FUT9: variants seen among roughly 807,000 people sequenced by gnomAD.
The protein encoded by FUT9 is fucosyltransferase 9.
In FUT9, 15 loss-of-function variants were observed where a neutral mutation model predicts 29.7. The ratio of observed to expected loss-of-function variants is 0.51; its 90% CI spans 0.34 to 0.78. FUT9 has a LOEUF of 0.78. Ranked by LOEUF, FUT9 falls within the 30% of genes least tolerant of loss-of-function variation. The probability of loss-of-function intolerance (pLI) is 0.01; values close to 1 mark genes in which losing one functional copy is unlikely to be tolerated. For synonymous variants in FUT9, 169 were observed against 153.7 expected (o/e 1.10, Z -0.74); for missense variants, 319 against 425.4 (o/e 0.75, Z 2.20).
At chr6:96,096,111 T>G (rs984605657) in intron 1 of FUT9, among the ~76,000 whole-genome samples, 3 of 152,084 alleles carry the variant, frequency 2.0e-5, no homozygotes, top group African/African-American at 7.2e-5. Flanking sequence ...TATCTCAAAT[T>G]TATTATATAT....
intron 2 of FUT9, among the ~76,000 whole-genome samples, chr6:96,137,699 A>G (rs1245227739): frequency 6.6e-6 from 1 of 152,020 alleles, no homozygotes; most frequent in Admixed American, 6.6e-5. Flanking sequence ...AAAAAGAAAA[A>G]CTAAGAAAAT....
At chr6:96,111,713 C>T (rs1267404568) in intron 1 of FUT9, among the ~76,000 whole-genome samples, 1 of 152,050 alleles carries the variant, frequency 6.6e-6, no homozygotes, top group Non-Finnish European at 1.5e-5. Flanking sequence ...TTTGAAAGCA[C>T]CGAATCAGAT....
chr6:96,054,067 G>A (rs1770720839), intron 1 of FUT9, among the ~76,000 whole-genome samples: 1 of 152,158 alleles, frequency 6.6e-6, no homozygotes, highest in Non-Finnish European at 1.5e-5. Context: ...TGGTGAGTGA[G>A]ATGACAAGAA....
chr6:96,139,117 T>C (rs75220038), intron 2 of FUT9, among the ~76,000 whole-genome samples: 2,686 of 152,180 alleles, frequency 0.018, 109 homozygotes, highest in African/African-American at 0.059. Context: ...AGAAAGCAAG[T>C]TAGTTACTTC....
chr6:96,067,256 A>G (rs766097084), intron 1 of FUT9, among the ~76,000 whole-genome samples: 2 of 151,674 alleles, frequency 1.3e-5, no homozygotes, highest in Non-Finnish European at 2.9e-5. Flanking sequence ...TGTTTAGGTA[A>G]TAATAAGTAA....
At chr6:96,108,531 G>A (rs551832965) in intron 1 of FUT9, among the ~76,000 whole-genome samples, 38 of 152,158 alleles carry the variant, frequency 2.5e-4, no homozygotes, top group African/African-American at 5.5e-4. Context: ...TTATCACTAC[G>A]TGTTATTATT....
chr6:96,132,115 T>C (rs1772256521), intron 2 of FUT9, among the ~76,000 whole-genome samples: 1 of 152,096 alleles, frequency 6.6e-6, no homozygotes, highest in Non-Finnish European at 1.5e-5. Flanking sequence ...CATTGTTTTT[T>C]CTCATCCTAA....
At chr6:96,075,371 A>G (rs1771126633) in intron 1 of FUT9, among the ~76,000 whole-genome samples, 2 of 152,292 alleles carry the variant, frequency 1.3e-5, no homozygotes, top group East Asian at 3.9e-4. Context: ...TTGAGAAACC[A>G]TGGAATCCTA....
At position 96,171,666 on chromosome 6, in the gene FUT9, G is replaced by A. The variant is rs148298600; in HGVS notation, c.-8-31482G>A. Among the ~76,000 whole-genome samples the A allele has an allele frequency of 5.0e-3, 767 of 152,222 alleles. 19 individuals carry two copies. The highest frequency in any genetic ancestry group is 0.03 in the Admixed American group (465 of 15,278). On this transcript the variant is annotated intron_variant, in intron 2 of 2. Coordinates refer to ENST00000302103, the MANE Select transcript of FUT9 (RefSeq NM_006581.4). ...TGGAGCAGGATAAAAACAAAATAGT[G>A]ATATCTTTAACCTAAAGTATGTAAA...
intron 1 of FUT9, among the ~76,000 whole-genome samples, chr6:96,092,048 T>C (rs988066347): frequency 1.8e-4 from 28 of 152,150 alleles, no homozygotes; most frequent in African/African-American, 6.5e-4. Flanking sequence ...CAACCAATAG[T>C]GCAATTAAAA....
At chr6:96,020,358 A>G (rs1281486000) in intron 1 of FUT9, among the ~76,000 whole-genome samples, 1 of 152,100 alleles carries the variant, frequency 6.6e-6, no homozygotes, top group Non-Finnish European at 1.5e-5. Flanking sequence ...TTTCATCTCC[A>G]TGCTGATTCA....
At chr6:96,194,222 T>C (rs1382619268) in intron 2 of FUT9, among the ~76,000 whole-genome samples, 1 of 151,956 alleles carries the variant, frequency 6.6e-6, no homozygotes. Flanking sequence ...TAAAATTTAG[T>C]GTACGTCAGA....
intron 1 of FUT9, among the ~76,000 whole-genome samples, chr6:96,066,183 AATTG>A (rs769545491): frequency 1.3e-5 from 2 of 152,042 alleles, no homozygotes; most frequent in Non-Finnish European, 2.9e-5. Context: ...TAAGAAAGTT[AATTG>A]ATTGGGCTCT....
intron 2 of FUT9, among the ~76,000 whole-genome samples, chr6:96,140,710 GA>G (rs972658923): frequency 6.6e-6 from 1 of 152,132 alleles, no homozygotes; most frequent in Non-Finnish European, 1.5e-5. Flanking sequence ...CAGATCTCAT[GA>G]GACTTATTTG....
rs1014493183 is a variant in FUT9, at chr6:96,178,903, GA to G, written c.-8-24237del. Among the ~76,000 whole-genome samples the G allele has an allele frequency of 1.1e-4, 17 of 151,372 alleles. 1 individual carries two copies. The South Asian group carries it at 1.5e-3, about 13-fold the overall frequency. ...TTTGCAATCCATAAAATCACATGGT[GA>G]AAAAAAATATGTCCTTTTTCTTTAA... On this transcript the variant is annotated intron_variant, in intron 2 of 2. Transcript: ENST00000302103.
chr6:96,073,411 T>C (rs538387931), intron 1 of FUT9, among the ~76,000 whole-genome samples: 5 of 145,538 alleles, frequency 3.4e-5, no homozygotes, highest in African/African-American at 1.3e-4. Flanking sequence ...ATTATGCCAC[T>C]GCACTCCAGC....
intron 1 of FUT9, among the ~76,000 whole-genome samples, chr6:96,041,870 T>C (rs994963681): frequency 3.3e-5 from 5 of 152,226 alleles, no homozygotes; most frequent in African/African-American, 1.2e-4. Flanking sequence ...TTTTCTGTTA[T>C]TGTTCTAATA....
intron 1 of FUT9, among the ~76,000 whole-genome samples, chr6:96,110,293 T>C (rs868781088): frequency 3.2e-4 from 48 of 152,276 alleles, no homozygotes; most frequent in Middle Eastern, 3.4e-3. Flanking sequence ...ATAAACGTTT[T>C]TGGCTGAGCC....
chr6:96,037,504 GATTAAAGA>G (rs1471032033), intron 1 of FUT9: 2 of 152,116 alleles, frequency 1.3e-5, no homozygotes, highest in Non-Finnish European at 2.9e-5. Flanking sequence ...ATTTGGCCTG[GATTAAAGA>G]AGAAACTGAT....
Sources: gnomAD v4.1 joint callset for allele counts (sites outside exome capture counted in the v4.1 genomes callset) on GRCh38, gnomAD v4.1.1 for gene constraint, MANE v1.5 for transcripts, NCBI Gene and HGNC (gene_info 2026-07-23, HGNC 2026-07-21) for gene names.